The following ZNF521 variants were observed in gnomAD, a reference collection of about 807,000 sequenced individuals.
ZNF521 encodes LYST-interacting protein 3.
ZNF521 carries 14 observed loss-of-function variants against 105.5 expected under a neutral mutation model. The ratio of observed to expected loss-of-function variants is 0.13; its 90% confidence interval spans 0.09 to 0.21. The LOEUF (loss-of-function observed/expected upper bound fraction) is 0.21, where lower values mean the gene tolerates loss of function less well. Ranked by LOEUF, ZNF521 falls within the 10% of genes least tolerant of loss-of-function variation. ZNF521 has a pLI of 1.00. For synonymous variants in ZNF521, 635 were observed against 606.0 expected (o/e 1.05, Z -0.70); for missense variants, 1,233 against 1,629.7 (o/e 0.76, Z 4.19).
intron 7 of ZNF521, among the ~76,000 whole-genome samples, chr18:25,077,821 C>T (rs941351399): frequency 2.0e-5 from 3 of 151,868 alleles, no homozygotes; most frequent in Non-Finnish European, 4.4e-5. Context: ...AAGAGGAAGA[C>T]AACGAAGAAG....
At chr18:25,337,952 G>A (rs1913982599) in intron 2 of ZNF521, among the ~76,000 whole-genome samples, 1 of 152,148 alleles carries the variant, frequency 6.6e-6, no homozygotes, top group African/African-American at 2.4e-5. Flanking sequence ...TTATATGGAA[G>A]GGCTGCTAGG....
intron 7 of ZNF521, among the ~76,000 whole-genome samples, chr18:25,073,891 C>T (rs554070731): frequency 2.0e-5 from 3 of 150,074 alleles, no homozygotes; most frequent in East Asian, 1.9e-4. Flanking sequence ...CTTTCCCCAC[C>T]GTAAGCCAAA....
intron 4 of ZNF521, among the ~76,000 whole-genome samples, chr18:25,213,183 T>C (rs965252208): frequency 2.4e-5 from 3 of 126,248 alleles, no homozygotes; most frequent in South Asian, 2.8e-4. Context: ...ACATATATTA[T>C]AATGATAATA....
intron 7 of ZNF521, among the ~76,000 whole-genome samples, chr18:25,079,354 C>T (rs2033437707): frequency 6.6e-6 from 1 of 152,152 alleles, no homozygotes; most frequent in Admixed American, 6.5e-5. Context: ...CACGCTCAGG[C>T]CATGGGTCCC....
chr18:25,309,959 G>A lies in ZNF521; in HGVS notation c.220+12049C>T, dbSNP rs901074974. Among the ~76,000 whole-genome samples the A allele has an allele frequency of 9.9e-5, 15 of 152,210 alleles. No individual in the cohort carries two copies. In the East Asian group the frequency reaches 2.7e-3, roughly 27 times the overall value. Reference sequence around the variant, plus strand: ...ATTTCTTTTAAATTTTTTTAACAATGACAATCTTTTCTATAAAAGTTTATT... The same window carrying A: ...ATTTCTTTTAAATTTTTTTAACAATAACAATCTTTTCTATAAAAGTTTATT... On this transcript the variant is annotated intron_variant, in intron 3 of 7. Transcript: ENST00000361524.
In ZNF521 at chr18:25,226,599, T is replaced by C; in HGVS notation, c.1319A>G (p.Gln440Arg). Residue 440 changes from glutamine (Q) to arginine (R), a missense_variant, in exon 4 of 8, where the codon CAG becomes CGG. Gln to Arg is a conservative substitution (Grantham distance 43). Around this residue, in one of 6 missense-constraint regions of ZNF521, gnomAD observed 380 missense variants for 478.0 expected, o/e 0.80. Transcript: ENST00000361524. This position sits in a 1 kb window ranked among gnomAD's most constrained non-coding sequence, Gnocchi z 4.1. ...LDKPEQAHIC[Q>R]YCLEVLPSLY... ...TGAGGGCAGGACCTCCAAGCAATACTGACAAATATGGGCCTGTTCTGGCTT... is the reference window on the plus strand; with the variant it reads ...TGAGGGCAGGACCTCCAAGCAATACCGACAAATATGGGCCTGTTCTGGCTT... 1 of 1,614,222 alleles carries C rather than the reference T, an allele frequency of 6.2e-7. No individual in the cohort carries two copies. Among genetic ancestry groups the C allele is most frequent in the African/African-American group, 1.3e-5 (1 of 75,068 alleles).
At position 25,179,055 on chromosome 18, in the gene ZNF521, A is replaced by C. The variant is rs906826004; in HGVS notation, c.3658+16105T>G. On this transcript the variant is annotated intron_variant, in intron 5 of 7. Coordinates refer to ENST00000361524, the MANE Select transcript of ZNF521 (RefSeq NM_015461.3). ...TTGACACCTGTTCAAGTGCAAAACCAAACAAACCCCAAACCCTTTGAAATG... is the reference window on the plus strand; with the variant it reads ...TTGACACCTGTTCAAGTGCAAAACCCAACAAACCCCAAACCCTTTGAAATG... 1.5e-4 allele frequency among the ~76,000 whole-genome samples: 23 copies of C among 151,018 alleles called. 1 individual carries two copies. The highest frequency in any genetic ancestry group is 5.6e-4 in the African/African-American group (23 of 41,230).
At chr18:25,217,805 G>A (rs1481070786) in intron 4 of ZNF521, among the ~76,000 whole-genome samples, 3 of 152,180 alleles carry the variant, frequency 2.0e-5, no homozygotes, top group Non-Finnish European at 2.9e-5. Flanking sequence ...CAATTTTCAC[G>A]TGATATTTAC....
At chr18:25,118,333 C>T (rs1248757445) in intron 5 of ZNF521, among the ~76,000 whole-genome samples, 1 of 151,804 alleles carries the variant, frequency 6.6e-6, no homozygotes, top group East Asian at 1.9e-4. Flanking sequence ...AAGCTTGGGT[C>T]TTCAGGGAAG....
At chr18:25,327,475 T>C (rs1473388779) in intron 2 of ZNF521, 2 of 1,169,242 alleles carry the variant, frequency 1.7e-6, no homozygotes, top group Non-Finnish European at 2.2e-6. Flanking sequence ...AGAGTATCTG[T>C]TTAAAATAAA....
intron 5 of ZNF521, among the ~76,000 whole-genome samples, chr18:25,166,163 T>G (rs2035337548): frequency 6.6e-6 from 1 of 152,218 alleles, no homozygotes; most frequent in African/African-American, 2.4e-5. Flanking sequence ...CAACACAATC[T>G]CTGCTGTTCC....
intron 5 of ZNF521, among the ~76,000 whole-genome samples, chr18:25,144,254 C>G (rs1238851982): frequency 1.3e-5 from 2 of 152,050 alleles, no homozygotes; most frequent in Non-Finnish European, 2.9e-5. Context: ...CAAAAAGAGA[C>G]AAAAGACATT....
chr18:25,327,030 T>C (rs563560004), intron 2 of ZNF521, among the ~76,000 whole-genome samples: 40 of 152,064 alleles, frequency 2.6e-4, no homozygotes, highest in Non-Finnish European at 5.0e-4. Context: ...AAAACAAGTC[T>C]TAGCTTCACT....
chr18:25,125,257 A>G (rs1021242849), intron 5 of ZNF521, among the ~76,000 whole-genome samples: 1 of 152,152 alleles, frequency 6.6e-6, no homozygotes, highest in South Asian at 2.1e-4. Context: ...ATTGTTGAAC[A>G]TTAGTCTTAT....
chr18:25,199,166 C>A (rs77321447), intron 4 of ZNF521, among the ~76,000 whole-genome samples: 2 of 151,464 alleles, frequency 1.3e-5, no homozygotes, highest in Non-Finnish European at 3.0e-5. Flanking sequence ...GAAAAAAATG[C>A]AAATCTAGAA....
intron 3 of ZNF521, among the ~76,000 whole-genome samples, chr18:25,280,619 CAAA>C (rs1394588092): frequency 1.3e-5 from 2 of 152,098 alleles, no homozygotes; most frequent in African/African-American, 4.8e-5. Flanking sequence ...AAGTGAGAAA[CAAA>C]GAAGGAAGGG....
chr18:25,146,209 C>A (rs2034940431), intron 5 of ZNF521, among the ~76,000 whole-genome samples: 1 of 152,096 alleles, frequency 6.6e-6, no homozygotes, highest in South Asian at 2.1e-4. Flanking sequence ...TTTTTCTAAC[C>A]ACTGAGCTTA....
chr18:25,120,590 A>C (rs1008465909), intron 5 of ZNF521, among the ~76,000 whole-genome samples: 1 of 115,066 alleles, frequency 8.7e-6, no homozygotes. Flanking sequence ...TCTAAAAAAA[A>C]AAAAAAAAAA....
At chr18:25,306,304 T>C (rs1332407625) in intron 3 of ZNF521, among the ~76,000 whole-genome samples, 3 of 152,150 alleles carry the variant, frequency 2.0e-5, no homozygotes, top group Non-Finnish European at 2.9e-5. Context: ...GAAAATCAGA[T>C]ATAAAAGCAG....
Sources: allele counts gnomAD v4.1 joint callset (sites outside exome capture counted in the v4.1 genomes callset), GRCh38; gene constraint gnomAD v4.1.1; regional missense constraint gnomAD v4.1.1; non-coding constraint Gnocchi (gnomAD v3.1); transcripts MANE v1.5; gene names NCBI Gene and HGNC (gene_info 2026-07-23, HGNC 2026-07-21).